Variants in NLGN1 observed in about 807,000 individuals in gnomAD.
NLGN1 encodes the protein neuroligin 1.
Under a neutral mutation model 65.5 loss-of-function variants are expected in NLGN1, and 12 were observed. The observed-to-expected ratio is 0.18, with a 90% CI of 0.12 to 0.30. NLGN1 has a LOEUF of 0.30. Among genes scored for constraint, NLGN1 ranks in the 10% least tolerant of loss-of-function variants. NLGN1 has a pLI of 1.00. For missense variants in NLGN1, 750 were observed against 1,007.1 expected, an observed-to-expected ratio of 0.74 and a Z score of 3.46; for synonymous variants, 350 against 359.5, an observed-to-expected ratio of 0.97 and a Z score of 0.30.
At chr3:174,075,027 T>C (rs915072906) in intron 4 of NLGN1, among the ~76,000 whole-genome samples, 1 of 152,160 alleles carries the variant, frequency 6.6e-6, no homozygotes, top group African/African-American at 2.4e-5. Flanking sequence ...TTCCTGATTC[T>C]AGTGCTGTGG....
chr3:173,846,076 T>C (rs1378078207), intron 4 of NLGN1, among the ~76,000 whole-genome samples: 1 of 152,140 alleles, frequency 6.6e-6, no homozygotes, highest in African/African-American at 2.4e-5. Flanking sequence ...CCACCACTCC[T>C]GGCTAGGATG....
At chr3:173,923,783 T>C (rs1457573823) in intron 4 of NLGN1, among the ~76,000 whole-genome samples, 1 of 152,170 alleles carries the variant, frequency 6.6e-6, no homozygotes, top group Non-Finnish European at 1.5e-5. Context: ...GTCAGTTAAT[T>C]TTCATTTCTT....
intron 4 of NLGN1, among the ~76,000 whole-genome samples, chr3:173,943,257 T>C (rs1746483463): frequency 6.6e-6 from 1 of 151,772 alleles, no homozygotes; most frequent in South Asian, 2.1e-4. Context: ...GGTATAAAAA[T>C]ATATTTTTCC....
At chr3:173,504,018 G>T (rs183929572) in intron 2 of NLGN1, among the ~76,000 whole-genome samples, 17 of 152,160 alleles carry the variant, frequency 1.1e-4, no homozygotes, top group African/African-American at 2.9e-4. Flanking sequence ...TCAGAAATCT[G>T]ATAATTAGGA....
chr3:174,234,124 C>T (rs1479527576), intron 4 of NLGN1, among the ~76,000 whole-genome samples: 1 of 152,016 alleles, frequency 6.6e-6, no homozygotes, highest in African/African-American at 2.4e-5. Flanking sequence ...AGAATTCAAC[C>T]AAGGGGCATA....
chr3:173,589,519 T>C (rs1443031723), intron 2 of NLGN1, among the ~76,000 whole-genome samples: 1 of 152,218 alleles, frequency 6.6e-6, no homozygotes, highest in Non-Finnish European at 1.5e-5. Context: ...ATTTATTTGA[T>C]GGTGGCAGTG....
chr3:173,628,885 G>C (rs1755214126), intron 3 of NLGN1, among the ~76,000 whole-genome samples: 1 of 151,750 alleles, frequency 6.6e-6, no homozygotes, highest in Non-Finnish European at 1.5e-5. Context: ...GTAGAGACAG[G>C]GTTTCACCAT....
intron 2 of NLGN1, among the ~76,000 whole-genome samples, chr3:173,553,798 C>T (rs973667432): frequency 4.9e-5 from 5 of 101,876 alleles, no homozygotes; most frequent in East Asian, 5.8e-4. Context: ...TTAGAAAAGC[C>T]GACTAACAGA....
chr3:173,749,968 C>T (rs1431991327), intron 3 of NLGN1, among the ~76,000 whole-genome samples: 1 of 152,048 alleles, frequency 6.6e-6, no homozygotes, highest in African/African-American at 2.4e-5. Context: ...GTAAACAGTT[C>T]CCAAACTAAG....
At chr3:173,851,278 T>G (rs1276760489) in intron 4 of NLGN1, among the ~76,000 whole-genome samples, 1 of 152,198 alleles carries the variant, frequency 6.6e-6, no homozygotes, top group African/African-American at 2.4e-5. Flanking sequence ...TAAATTAAAT[T>G]AATGAAGATA....
chr3:173,578,613 A>G (rs940224532), intron 2 of NLGN1, among the ~76,000 whole-genome samples: 2 of 152,232 alleles, frequency 1.3e-5, no homozygotes, highest in Non-Finnish European at 2.9e-5. Flanking sequence ...ATATTTTACA[A>G]TAAGCATTAA....
intron 3 of NLGN1, among the ~76,000 whole-genome samples, chr3:173,777,831 A>G (rs967609164): frequency 8.6e-5 from 13 of 151,966 alleles, no homozygotes; most frequent in Admixed American, 6.6e-4. Flanking sequence ...AAAGTTTTCT[A>G]TTCTTTTCCA....
intron 4 of NLGN1, among the ~76,000 whole-genome samples, chr3:173,962,207 A>G (rs1190866875): frequency 1.3e-5 from 2 of 152,128 alleles, no homozygotes; most frequent in East Asian, 1.9e-4. Flanking sequence ...TTCCTTCCAC[A>G]GTCTGGCAAT....
At chr3:173,527,359 C>T (rs1010127575) in intron 2 of NLGN1, among the ~76,000 whole-genome samples, 1 of 152,152 alleles carries the variant, frequency 6.6e-6, no homozygotes, top group African/African-American at 2.4e-5. Context: ...TGTATGTCTT[C>T]ATTTGAGAAA....
intron 4 of NLGN1, among the ~76,000 whole-genome samples, chr3:174,098,253 C>A (rs1472368168): frequency 6.6e-6 from 1 of 152,078 alleles, no homozygotes; most frequent in Non-Finnish European, 1.5e-5. Context: ...TGTGGCTGTG[C>A]ATTTATTACA....
chr3:174,251,661 T>C (rs970990193), intron 4 of NLGN1, among the ~76,000 whole-genome samples: 5 of 152,222 alleles, frequency 3.3e-5, no homozygotes, highest in Non-Finnish European at 2.9e-5. Context: ...ATTTATAACA[T>C]TGATTTTGTT....
intron 3 of NLGN1, among the ~76,000 whole-genome samples, chr3:173,609,119 G>T (rs1388177581): frequency 6.6e-6 from 1 of 151,902 alleles, no homozygotes; most frequent in Non-Finnish European, 1.5e-5. Context: ...ACATGAGAAG[G>T]AGAAACAAAG....
At chr3:173,653,506 T>C (rs1015186117) in intron 3 of NLGN1, among the ~76,000 whole-genome samples, 1 of 152,220 alleles carries the variant, frequency 6.6e-6, no homozygotes, top group African/African-American at 2.4e-5. Context: ...TCATATGCTT[T>C]CTGTCCTTAA....
intron 2 of NLGN1, among the ~76,000 whole-genome samples, chr3:173,482,339 A>G (rs1048558778): frequency 6.6e-6 from 1 of 151,850 alleles, no homozygotes; most frequent in Non-Finnish European, 1.5e-5. Flanking sequence ...TTTGGAAATT[A>G]CTAGTTTACC....
Sources: allele counts gnomAD v4.1 joint callset (sites outside exome capture counted in the v4.1 genomes callset), GRCh38; gene constraint gnomAD v4.1.1; transcripts MANE v1.5; gene names NCBI Gene and HGNC (gene_info 2026-07-23, HGNC 2026-07-21).